Variants in ALCAM observed in about 807,000 individuals in gnomAD.
The protein encoded by ALCAM is CD166 antigen.
In ALCAM, 30 loss-of-function variants were observed where a neutral mutation model predicts 70.9. The observed-to-expected ratio is 0.42, with a 90% CI of 0.32 to 0.57. The LOEUF is 0.57. Ranked by LOEUF, ALCAM falls within the 20% of genes least tolerant of loss-of-function variation. The pLI, the probability that ALCAM is intolerant of heterozygous loss-of-function variation, is 0.11. For missense variants in ALCAM, 591 were observed against 695.1 expected, an observed-to-expected ratio of 0.85 and a Z score of 1.68; for synonymous variants, 249 against 242.5, an observed-to-expected ratio of 1.03 and a Z score of -0.25.
chr3:105,451,894 C>T (rs1032928492), intron 1 of ALCAM, among the ~76,000 whole-genome samples: 9 of 152,112 alleles, frequency 5.9e-5, no homozygotes, highest in Non-Finnish European at 1.0e-4. Flanking sequence ...GTCCCAAATT[C>T]ACCCCATATA....
At chr3:105,533,825 C>A (rs1939904614) in intron 5 of ALCAM, 135 bp downstream of exon 5, 3 of 698,216 alleles carry the variant, frequency 4.3e-6, no homozygotes, top group Middle Eastern at 3.8e-4. Flanking sequence ...GACAATTTTT[C>A]TTTGGATCAG....
chr3:105,440,730 A>G (rs9288804), intron 1 of ALCAM: 150,597 of 152,322 alleles, frequency 0.99, 74,471 homozygotes, highest in Middle Eastern at 1. Flanking sequence ...TTAAAAGCAA[A>G]TCAGTCAGGA....
chr3:105,484,626 G>A (rs2152608692), intron 1 of ALCAM, among the ~76,000 whole-genome samples: 1 of 152,058 alleles, frequency 6.6e-6, no homozygotes, highest in South Asian at 2.1e-4. Context: ...GAATGTCCTT[G>A]GTACCATGAA....
At chr3:105,552,205 T>G in intron 13 of ALCAM, 23 bp downstream of exon 13, 1 of 1,587,564 alleles carries the variant, frequency 6.3e-7, no homozygotes, top group Non-Finnish European at 8.6e-7. Context: ...CTGCCGACTC[T>G]TCTTCCTTGA....
intron 14 of ALCAM, among the ~76,000 whole-genome samples, chr3:105,554,103 G>A (rs1198850518): frequency 1.3e-5 from 2 of 151,874 alleles, no homozygotes; most frequent in Non-Finnish European, 2.9e-5. Flanking sequence ...GTGTGTGTGT[G>A]TGTGTACAAA....
At chr3:105,485,669 A>G (rs1160730945) in intron 1 of ALCAM, among the ~76,000 whole-genome samples, 1 of 152,022 alleles carries the variant, frequency 6.6e-6, no homozygotes, top group Non-Finnish European at 1.5e-5. Flanking sequence ...GAAATTATAT[A>G]TTTACATACT....
intron 1 of ALCAM, among the ~76,000 whole-genome samples, chr3:105,442,113 TG>T (rs1199754375): frequency 6.6e-6 from 1 of 152,228 alleles, no homozygotes. Flanking sequence ...GTTGGAGATG[TG>T]TCAATGCTGG....
intron 1 of ALCAM, among the ~76,000 whole-genome samples, chr3:105,374,789 A>G (rs1935336800): frequency 6.6e-6 from 1 of 152,120 alleles, no homozygotes; most frequent in South Asian, 2.1e-4. Context: ...AAGTGCTGGG[A>G]TTACAGGCAT....
chr3:105,498,239 CA>C (rs1360867121), intron 1 of ALCAM, among the ~76,000 whole-genome samples: 2 of 152,078 alleles, frequency 1.3e-5, no homozygotes, highest in Non-Finnish European at 2.9e-5. Context: ...GGTTCAAAAC[CA>C]GGACGTTTGA....
chr3:105,388,774 CT>C (rs1423828545), intron 1 of ALCAM, among the ~76,000 whole-genome samples: 1 of 151,464 alleles, frequency 6.6e-6, no homozygotes, highest in African/African-American at 2.4e-5. Flanking sequence ...ATATTTTGAA[CT>C]TAATAATTAG....
intron 1 of ALCAM, among the ~76,000 whole-genome samples, chr3:105,484,915 A>G (rs1373101242): frequency 6.6e-6 from 1 of 152,128 alleles, no homozygotes; most frequent in Non-Finnish European, 1.5e-5. Context: ...CTGAGCCCAT[A>G]GACAAAATTA....
chr3:105,403,215 G>A (rs568077172), intron 1 of ALCAM, among the ~76,000 whole-genome samples: 24 of 152,204 alleles, frequency 1.6e-4, no homozygotes, highest in Middle Eastern at 3.4e-3. Flanking sequence ...CCACAGTGCC[G>A]GGATTACAGG....
At chr3:105,552,277 T>A in intron 13 of ALCAM, 95 bp downstream of exon 13, 1 of 1,362,966 alleles carries the variant, frequency 7.3e-7, no homozygotes, top group Non-Finnish European at 1.0e-6. Flanking sequence ...GTCCACAATT[T>A]TGACTTGAAT....
rs887429333 is a variant in ALCAM at position 105,410,551 on chromosome 3, G to A, written c.73+43070G>A. 9.9e-5 allele frequency among the ~76,000 whole-genome samples: 15 copies of A among 151,858 alleles called. No homozygotes were observed. In the South Asian group the frequency reaches 1.9e-3, roughly 19 times the overall value. On this transcript the variant is annotated intron_variant, in intron 1 of 15. Transcript: ENST00000306107. Reference sequence around the variant, plus strand: ...ACATGAACCACCATGTAATACCACCGTATTGTCTGTATCTCCGGGGATATA... The same window carrying A: ...ACATGAACCACCATGTAATACCACCATATTGTCTGTATCTCCGGGGATATA...
At chr3:105,432,978 A>C (rs1383812279) in intron 1 of ALCAM, among the ~76,000 whole-genome samples, 3 of 152,178 alleles carry the variant, frequency 2.0e-5, no homozygotes, top group East Asian at 3.9e-4. Flanking sequence ...AAAGATTTTC[A>C]GGTATATTAA....
chr3:105,490,790 C>T (rs1222682304), intron 1 of ALCAM, among the ~76,000 whole-genome samples: 2 of 152,166 alleles, frequency 1.3e-5, no homozygotes, highest in African/African-American at 4.8e-5. Context: ...TGTGGCTTTG[C>T]AGGGTATGGC....
intron 14 of ALCAM, among the ~76,000 whole-genome samples, chr3:105,562,154 T>G (rs1051552143): frequency 2.0e-5 from 3 of 152,186 alleles, no homozygotes; most frequent in Non-Finnish European, 2.9e-5. Context: ...GCATAAGCTA[T>G]CAGGTGTAAT....
chr3:105,458,785 G>C (rs1246839500), intron 1 of ALCAM, among the ~76,000 whole-genome samples: 1 of 152,122 alleles, frequency 6.6e-6, no homozygotes, highest in Non-Finnish European at 1.5e-5. Context: ...TTTCGCTTCT[G>C]AAATAGCTCT....
chr3:105,413,175 T>C (rs1427415288), intron 1 of ALCAM, among the ~76,000 whole-genome samples: 2 of 152,104 alleles, frequency 1.3e-5, no homozygotes, highest in Non-Finnish European at 2.9e-5. Flanking sequence ...AAAATGTGAA[T>C]AATGATATTA....
Sources: gnomAD v4.1 joint callset for allele counts (sites outside exome capture counted in the v4.1 genomes callset) on GRCh38, gnomAD v4.1.1 for gene constraint, MANE v1.5 for transcripts, NCBI Gene and HGNC (gene_info 2026-07-23, HGNC 2026-07-21) for gene names.